Variants in CABIN1 observed in about 807,000 individuals in gnomAD.
CABIN1 encodes the protein calcineurin binding protein 1, also known as calcineurin-binding protein cabin-1.
CABIN1 carries 133 observed loss-of-function variants against 227.7 expected under a neutral mutation model. The observed-to-expected ratio is 0.58, with a 90% CI of 0.51 to 0.67. CABIN1 has a LOEUF of 0.67. Among genes scored for constraint, CABIN1 ranks in the 30% least tolerant of loss-of-function variants. The probability of loss-of-function intolerance (pLI) is 0.00; values close to 1 mark genes in which losing one functional copy is unlikely to be tolerated. For synonymous variants in CABIN1, 1,086 were observed against 1,155.1 expected, an observed-to-expected ratio of 0.94 and a Z score of 1.21; for missense variants, 2,408 against 2,852.5, an observed-to-expected ratio of 0.84 and a Z score of 3.55.
intron 1 of CABIN1, among the ~76,000 whole-genome samples, chr22:24,017,403 T>C (rs1308944098): frequency 1.3e-5 from 2 of 152,218 alleles, no homozygotes; most frequent in African/African-American, 2.4e-5. Flanking sequence ...CACATTGTTA[T>C]GCAGCCATCA....
intron 26 of CABIN1, 72 bp from the exon 27 acceptor site, chr22:24,113,494 A>T: frequency 7.0e-7 from 1 of 1,423,930 alleles, no homozygotes; most frequent in Admixed American, 1.7e-5. Flanking sequence ...GAGACTCACC[A>T]TAGGAAGGCC....
chr22:24,021,684 T>G (rs1017554623), intron 1 of CABIN1, among the ~76,000 whole-genome samples: 4 of 151,944 alleles, frequency 2.6e-5, no homozygotes, highest in African/African-American at 9.7e-5. Flanking sequence ...CTCCTTTGGG[T>G]TATTCTTTGT....
intron 18 of CABIN1, among the ~76,000 whole-genome samples, chr22:24,075,071 G>GT (rs1168622067): frequency 6.6e-6 from 1 of 152,152 alleles, no homozygotes; most frequent in Non-Finnish European, 1.5e-5. Context: ...AGGTGTGGTG[G>GT]TGGCACCTAG....
At chr22:24,165,729 G>A (rs569185999) in intron 31 of CABIN1, 103 bp downstream of exon 31, 161 of 936,866 alleles carry the variant, frequency 1.7e-4, no homozygotes, top group Non-Finnish European at 1.5e-4. Context: ...CCTTAGGCAG[G>A]ATGTGCCTAA....
At position 24,165,364 on chromosome 22, in the gene CABIN1, C is replaced by G. The variant is rs140329932; in HGVS notation, c.4911-166C>G. ...GCCTACTGGCTCTGGATAGAGGGAGCTCAGGGGAAGCTTCTAGGGGAGCAG... is the reference window on the plus strand; with the variant it reads ...GCCTACTGGCTCTGGATAGAGGGAGGTCAGGGGAAGCTTCTAGGGGAGCAG... On this transcript the variant is annotated intron_variant, in intron 30 of 36. Coordinates refer to ENST00000263119, the MANE Select transcript of CABIN1 (RefSeq NM_012295.4). 8.5e-5 allele frequency among the ~76,000 whole-genome samples: 13 copies of G among 152,334 alleles called. 1 individual carries two copies. The East Asian group carries it at 2.5e-3, about 29-fold the overall frequency.
At chr22:24,124,941 A>G (rs775617290) in intron 28 of CABIN1, among the ~76,000 whole-genome samples, 10 of 152,232 alleles carry the variant, frequency 6.6e-5, no homozygotes, top group Admixed American at 2.0e-4. Flanking sequence ...TCCCAGTTTC[A>G]AAACATACTA....
chr22:24,082,692 A>G (rs1465749881), intron 19 of CABIN1, among the ~76,000 whole-genome samples: 3 of 152,198 alleles, frequency 2.0e-5, no homozygotes, highest in African/African-American at 7.2e-5. Context: ...CTTGTTTACT[A>G]TGTTGTTCAC....
At chr22:24,013,228 C>T (rs1490866929) in intron 1 of CABIN1, among the ~76,000 whole-genome samples, 1 of 105,954 alleles carries the variant, frequency 9.4e-6, no homozygotes. Flanking sequence ...GATGGAGTCT[C>T]GCCTGTGGCC....
chr22:24,099,167 C>T (rs556541328), intron 26 of CABIN1, among the ~76,000 whole-genome samples: 1 of 152,316 alleles, frequency 6.6e-6, no homozygotes, highest in African/African-American at 2.4e-5. Flanking sequence ...CTCTAGTGCC[C>T]TGCTGAGGCC....
At chr22:24,055,597 T>A (rs1287516605) in intron 9 of CABIN1, among the ~76,000 whole-genome samples, 1 of 152,342 alleles carries the variant, frequency 6.6e-6, no homozygotes, top group East Asian at 1.9e-4. Context: ...AACCACCATA[T>A]GTTTTATTGA....
intron 28 of CABIN1, among the ~76,000 whole-genome samples, chr22:24,128,287 C>T (rs952121868): frequency 1.2e-4 from 16 of 137,628 alleles, no homozygotes; most frequent in African/African-American, 4.2e-4. Flanking sequence ...AATGCCTACA[C>T]AGGATTCTCG....
At chr22:24,055,882 G>A (rs1376423508) in intron 9 of CABIN1, among the ~76,000 whole-genome samples, 1 of 152,222 alleles carries the variant, frequency 6.6e-6, no homozygotes, top group Non-Finnish European at 1.5e-5. Flanking sequence ...GTAACAGAGT[G>A]AGACTCCGAA....
chr22:24,029,433 T>TC (rs1204532798), intron 1 of CABIN1, among the ~76,000 whole-genome samples: 3 of 152,096 alleles, frequency 2.0e-5, no homozygotes, highest in Admixed American at 2.0e-4. Context: ...GCATTTGCAG[T>TC]CCCAGCTACT....
chr22:24,086,152 C>G (rs2041146397), intron 22 of CABIN1, among the ~76,000 whole-genome samples: 1 of 152,230 alleles, frequency 6.6e-6, no homozygotes, highest in African/African-American at 2.4e-5. Context: ...AGAGCCCTGG[C>G]CGTCCTCTTG....
intron 1 of CABIN1, among the ~76,000 whole-genome samples, chr22:24,029,695 G>A (rs2036356604): frequency 6.6e-6 from 1 of 152,256 alleles, no homozygotes; most frequent in Non-Finnish European, 1.5e-5. Context: ...CTGAGGAAGA[G>A]TGGTAATGAT....
At chr22:24,106,807 A>C (rs1382846197) in intron 26 of CABIN1, among the ~76,000 whole-genome samples, 1 of 152,224 alleles carries the variant, frequency 6.6e-6, no homozygotes, top group African/African-American at 2.4e-5. Context: ...CCATTCTTTA[A>C]GAGCTTTTTC....
At chr22:24,121,939 G>A (rs1045000534) in intron 28 of CABIN1, among the ~76,000 whole-genome samples, 3 of 152,212 alleles carry the variant, frequency 2.0e-5, no homozygotes, top group African/African-American at 7.2e-5. Flanking sequence ...AGAGGCAGAT[G>A]TCGAGATGGA....
At chr22:24,104,240 G>A (rs1214775855) in intron 26 of CABIN1, among the ~76,000 whole-genome samples, 1 of 152,134 alleles carries the variant, frequency 6.6e-6, no homozygotes, top group African/African-American at 2.4e-5. Flanking sequence ...TCACTAGATG[G>A]CTGGGGGATG....
intron 31 of CABIN1, 36 bp from the exon 32 acceptor site, chr22:24,166,603 C>T: frequency 1.2e-6 from 2 of 1,612,446 alleles, no homozygotes; most frequent in East Asian, 4.5e-5. Flanking sequence ...GTGGAGACAC[C>T]AGCGACACAG....
Sources: allele counts gnomAD v4.1 joint callset (sites outside exome capture counted in the v4.1 genomes callset), GRCh38; gene constraint gnomAD v4.1.1; transcripts MANE v1.5; gene names NCBI Gene and HGNC (gene_info 2026-07-23, HGNC 2026-07-21).